NUDT17: variants seen among roughly 807,000 people sequenced by gnomAD.
NUDT17 encodes the protein m7GpppN-mRNA hydrolase NUDT17.
In NUDT17, 38 loss-of-function variants were observed where a neutral mutation model predicts 38.6. The observed-to-expected ratio is 0.98, with a 90% CI of 0.76 to 1.29. NUDT17 has a LOEUF of 1.29. Ranked by LOEUF, NUDT17 falls within the 50% of genes most tolerant of loss-of-function variation. The pLI is 0.00. For synonymous variants in NUDT17, 192 were observed against 167.8 expected (o/e 1.14, Z -1.11); for missense variants, 462 against 415.2 (o/e 1.11, Z -0.98).
chr1:145,846,955 GCTGAGGTGGGCGGATCAC>G (rs1425889385), intron 4 of NUDT17, among the ~76,000 whole-genome samples: 1 of 152,250 alleles, frequency 6.6e-6, no homozygotes, highest in Non-Finnish European at 1.5e-5. Flanking sequence ...ACTTTGGGAG[GCTGAGGTGGGCGGATCAC>G]CTGAGGTCAG....
chr1:145,847,543 G>A, intron 5 of NUDT17, 40 bp from the exon 6 acceptor site: 9 of 1,608,394 alleles, frequency 5.6e-6, no homozygotes, highest in Non-Finnish European at 7.6e-6. Flanking sequence ...GGCAGCCCAG[G>A]GAGAGGCAAT....
intron 4 of NUDT17, 46 bp from the exon 5 acceptor site, chr1:145,847,204 A>G: frequency 8.2e-7 from 1 of 1,218,662 alleles, no homozygotes; most frequent in African/African-American, 1.5e-5. Context: ...TAAAAAAAAA[A>G]AAAAAGTGAC....
Position 145,846,654 on chromosome 1 carries a change from G to A in NUDT17, c.459G>A (p.Gln153=), listed in dbSNP as rs782285616. The A allele has an allele frequency of 6.2e-6, 10 of 1,613,994 alleles. No individual in the cohort carries two copies. The highest frequency in any genetic ancestry group is 5.5e-5 in the South Asian group (5 of 91,090). ...AGGAGAGTGGACTACACCTGCCCCA[G>A]GGCCAGTTCTCTTGGGTCCCTCTGG... is the stretch of plus-strand genomic sequence containing the variant. ...LWEESGLHLP[Q]GQFSWVPLGL... Residue 153 remains glutamine, a synonymous_variant, in exon 4 of 8, where the codon CAG becomes CAA. Coordinates refer to ENST00000334513, the MANE Select transcript of NUDT17 (RefSeq NM_001012758.3).
chr1:145,847,515 A>G, intron 5 of NUDT17, 68 bp from the exon 6 acceptor site: 4 of 1,589,610 alleles, frequency 2.5e-6, no homozygotes, highest in South Asian at 1.1e-5. Flanking sequence ...ACCTGCGGGT[A>G]GGTTTTGATC....
chr1:145,847,424 T>TGGG, intron 5 of NUDT17, 76 bp downstream of exon 5: 1 of 686,730 alleles, frequency 1.5e-6, no homozygotes, highest in Non-Finnish European at 2.4e-6. Flanking sequence ...GATTAGGAGC[T>TGGG]GGGCGGGGGT....
chr1:145,848,176 C>A lies in NUDT17; in HGVS notation c.796C>A (p.Arg266=). 1 of 1,614,164 alleles carries A rather than the reference C, an allele frequency of 6.2e-7. No individual in the cohort carries two copies. The highest frequency in any genetic ancestry group is 8.5e-7 in the Non-Finnish European group (1 of 1,179,994). ...GGTCCTGCACATGTCCACCCTCCTGCGGATGATCCCAACCATGGCAGAGGA... is the reference window on the plus strand; with the variant it reads ...GGTCCTGCACATGTCCACCCTCCTGAGGATGATCCCAACCATGGCAGAGGA... ...PLVLHMSTLL[R]MIPTMAEDKE... is the part of the protein sequence containing the mutation. The change falls in exon 7 of 8, where the codon CGG becomes AGG. Residue 266 remains arginine, a synonymous_variant. Coordinates refer to ENST00000334513, the MANE Select transcript of NUDT17 (RefSeq NM_001012758.3).
chr1:145,845,729 G>A lies in NUDT17; in HGVS notation c.89G>A (p.Gly30Glu), dbSNP rs782562286. 31 of 1,559,974 alleles carry A rather than the reference G, an allele frequency of 2.0e-5. No individual in the cohort carries two copies. In the South Asian group the frequency reaches 3.3e-4, roughly 17 times the overall value. ...ARSVCGLLGA[G>E]PGLGTWPIHC... The stretch of plus-strand genomic sequence containing the variant: ...AGTGTGTGTGGCCTCCTGGGAGCCG[G>A]ACCAGGGCTCGGGACGTGGCCCATT... Residue 30 changes from glycine (G) to glutamate (E), a missense_variant, in exon 1 of 8, where the codon GGA becomes GAA. Physicochemically the swap from Gly to Glu is moderately conservative, Grantham distance 98. Transcript: ENST00000334513.
At position 145,848,595 on chromosome 1, in the gene NUDT17, G is replaced by A. The variant is rs1165854778; in HGVS notation, c.*116G>A. ...AAATAAAAAGTAAAATTACAACATA[G>A]GTCCTAGGCCTTGGCGAGCCTGAAA... On this transcript the variant is annotated 3_prime_UTR_variant, in exon 8 of 8. Transcript: ENST00000334513. The A allele has an allele frequency of 6.4e-6, 5 of 776,564 alleles. No homozygotes were observed. In the African/African-American group the frequency reaches 6.9e-5, roughly 11 times the overall value. The allele number at this position is 776,564 out of a possible 1,614,324, so 48.1% of individuals were successfully genotyped here.
At position 145,845,638 on chromosome 1, in the gene NUDT17, G is replaced by C. The variant is rs1302730328; in HGVS notation, c.-3G>C. On this transcript the variant is annotated 5_prime_UTR_variant, in exon 1 of 8. Transcript: ENST00000334513. ...CGGGCCGCAGCGACTCCAGAGTCGCGTTATGGCCGAGGTGCGGGTGCAGCT... is the reference window on the plus strand; with the variant it reads ...CGGGCCGCAGCGACTCCAGAGTCGCCTTATGGCCGAGGTGCGGGTGCAGCT... The C allele has an allele frequency of 2.6e-6, 4 of 1,511,696 alleles. No homozygotes were observed. The highest frequency in any genetic ancestry group is 3.6e-6 in the Non-Finnish European group (4 of 1,121,682). 93.6% of individuals were successfully genotyped at this position (1,511,696 alleles called of 1,614,324 possible). A position where few individuals can be genotyped will look rare whatever the true frequency, so the allele number is the denominator to read the frequency against.
intron 6 of NUDT17, 43 bp downstream of exon 6, chr1:145,847,762 T>A (rs1448059397): frequency 6.3e-7 from 1 of 1,594,072 alleles, no homozygotes; most frequent in Non-Finnish European, 8.6e-7. Flanking sequence ...CACCAACATA[T>A]TCATGTTGAG....
Position 145,845,697 on chromosome 1 carries a change from C to A in NUDT17, c.57C>A (p.Phe19Leu). The stretch of plus-strand genomic sequence containing the variant: ...CCCGGCGTCCGGAGTCGGTGAGCTT[C>A]GCACGGAGTGTGTGTGGCCTCCTGG... ...LLSRRPESVS[F>L]ARSVCGLLGA... is the part of the protein sequence containing the mutation. The change falls in exon 1 of 8, where the codon TTC becomes TTA. Residue 19 changes from phenylalanine to leucine, a missense_variant. Coordinates refer to ENST00000334513, the MANE Select transcript of NUDT17 (RefSeq NM_001012758.3). 6.5e-7 allele frequency: 1 copy of A among 1,547,636 alleles called. No homozygotes were observed.
intron 4 of NUDT17, 109 bp from the exon 5 acceptor site, chr1:145,847,141 C>T (rs1424584721): frequency 1.2e-5 from 8 of 654,878 alleles, no homozygotes; most frequent in Middle Eastern, 4.1e-4. Flanking sequence ...TTGCAGTGAG[C>T]CAAGATCACG....
chr1:145,848,707 C>A lies in NUDT17; in HGVS notation c.*228C>A. 1 of 500,752 alleles carries A rather than the reference C, an allele frequency of 2.0e-6. No homozygotes were observed. The highest frequency in any genetic ancestry group is 3.5e-6 in the Non-Finnish European group (1 of 283,880). The allele number at this position is 500,752 out of a possible 1,614,324, so 31.0% of individuals were successfully genotyped here. ...CAGGCCTAACTACAGGGCCATGAGC[C>A]TCTAGAAGCTTAGGGGGGAATAAGA... On this transcript the variant is annotated 3_prime_UTR_variant, in exon 8 of 8. Coordinates refer to ENST00000334513, the MANE Select transcript of NUDT17 (RefSeq NM_001012758.3).
chr1:145,846,259 T>G (rs782706297), intron 2 of NUDT17, 63 bp downstream of exon 2: 6 of 1,520,042 alleles, frequency 3.9e-6, no homozygotes, highest in Non-Finnish European at 5.4e-6. Context: ...CCCGCAACAA[T>G]GTTTTTCCCA....
In NUDT17 at chr1:145,847,322, T is replaced by G. The variant is rs781994978; in HGVS notation, c.568T>G (p.Ser190Ala). The stretch of plus-strand genomic sequence containing the variant: ...CATTGTTCTGTATCTACTCGTGATC[T>G]CCCAGGAATCACAGCAGCAGTTGCA... ...HHIVLYLLVI[S>A]QESQQQLQAR... is the part of the protein sequence containing the mutation. Residue 190 changes from serine (S) to alanine (A), a missense_variant, in exon 5 of 8, where the codon TCC becomes GCC. Ser to Ala is a moderately conservative substitution (Grantham distance 99). Coordinates refer to ENST00000334513, the MANE Select transcript of NUDT17 (RefSeq NM_001012758.3). 6.2e-7 allele frequency: 1 copy of G among 1,610,244 alleles called. No homozygotes were observed. Among genetic ancestry groups the G allele is most frequent in the Non-Finnish European group, 8.5e-7 (1 of 1,178,370 alleles).
rs1652734699 is a variant in NUDT17, at chr1:145,847,146, A to G, written c.496-104A>G. ...GAGGCAGAGGTTGCAGTGAGCCAAG[A>G]TCACGCCATTGCATGCCAGCCTGGG... is the stretch of plus-strand genomic sequence containing the variant. On this transcript the variant is annotated intron_variant, in intron 4 of 7. Coordinates refer to ENST00000334513, the MANE Select transcript of NUDT17 (RefSeq NM_001012758.3). 7.4e-6 allele frequency: 5 copies of G among 672,896 alleles called. No homozygotes were observed. In the East Asian group the frequency reaches 1.1e-4, roughly 15 times the overall value. The allele number at this position is 672,896 out of a possible 1,614,324, so 41.7% of individuals were successfully genotyped here. A position where few individuals can be genotyped will look rare whatever the true frequency, so the allele number is the denominator to read the frequency against.
In NUDT17 at chr1:145,846,476, C is replaced by A. The variant is rs1652683242; in HGVS notation, c.402+18C>A. On this transcript the variant is annotated intron_variant, in intron 3 of 7. Coordinates refer to ENST00000334513, the MANE Select transcript of NUDT17 (RefSeq NM_001012758.3). ...AGGAGGAGGTAACCAGTCAGCTGAT[C>A]CAACCTGAGCCAAGAGACCCATGCC... 6.2e-7 allele frequency: 1 copy of A among 1,611,432 alleles called. No homozygotes were observed. The highest frequency in any genetic ancestry group is 2.2e-5 in the East Asian group (1 of 44,786).
Position 145,846,086 on chromosome 1 carries a change from G to C in NUDT17, c.266G>C (p.Arg89Pro). 6.2e-7 allele frequency: 1 copy of C among 1,604,690 alleles called. No homozygotes were observed. Among genetic ancestry groups the C allele is most frequent in the East Asian group, 2.2e-5 (1 of 44,512 alleles). ...CCTGGGGCTGAGCTGCCCACAGATC[G>C]AGGTGTGGACCTGGGTGTGGCCGTC... ...RVPGAELPTD[R>P]GVDLGVAVIL... Residue 89 changes from arginine (R) to proline (P), a missense_variant, in exon 2 of 8, where the codon CGA (arginine) becomes CCA (proline). Physicochemically the swap from Arg to Pro is moderately radical, Grantham distance 103. Coordinates refer to ENST00000334513, the MANE Select transcript of NUDT17 (RefSeq NM_001012758.3).
intron 3 of NUDT17, 47 bp from the exon 4 acceptor site, chr1:145,846,551 G>A: frequency 1.2e-6 from 2 of 1,604,338 alleles, no homozygotes; most frequent in Non-Finnish European, 1.7e-6. Flanking sequence ...AAAGGACTTG[G>A]AAGAGTCAGG....
Sources: gnomAD v4.1 joint callset for allele counts (sites outside exome capture counted in the v4.1 genomes callset) on GRCh38, gnomAD v4.1.1 for gene constraint, MANE v1.5 for transcripts, NCBI Gene and HGNC (gene_info 2026-07-23, HGNC 2026-07-21) for gene names.